SNX8: variants seen among roughly 807,000 people sequenced by gnomAD.
SNX8 encodes the protein sorting nexin 8, also known as sorting nexin-8.
In SNX8, 25 loss-of-function variants were observed where a neutral mutation model predicts 51.6. The observed-to-expected ratio is 0.48, with a 90% confidence interval of 0.35 to 0.68. The LOEUF is 0.68. Ranked by LOEUF, SNX8 falls within the 30% of genes least tolerant of loss-of-function variation. The pLI, the probability that SNX8 is intolerant of heterozygous loss-of-function variation, is 0.00. For synonymous variants in SNX8, 324 were observed against 277.0 expected (o/e 1.17, Z -1.68); for missense variants, 695 against 624.0 (o/e 1.11, Z -1.21).
intron 1 of SNX8, among the ~76,000 whole-genome samples, chr7:2,309,398 C>T (rs745811520): frequency 1.4e-4 from 22 of 152,010 alleles, no homozygotes; most frequent in Admixed American, 9.8e-4. Flanking sequence ...TGGTGGCACA[C>T]GCCTGTAATC....
At position 2,263,369 on chromosome 7, in the gene SNX8, G is replaced by C; in HGVS notation, c.783-7C>G. On this transcript the variant is annotated splice_region_variant and splice_polypyrimidine_tract_variant and intron_variant, in intron 6 of 10. Transcript: ENST00000222990. ...CGTGTCAGACCCTATTGCACTGAGG[G>C]AGCAAGCACACAGGAGAGGAGACAC... The C allele has an allele frequency of 6.3e-7, 1 of 1,588,370 alleles. No individual in the cohort carries two copies. Among genetic ancestry groups the C allele is most frequent in the Non-Finnish European group, 8.6e-7 (1 of 1,167,192 alleles).
intron 7 of SNX8, among the ~76,000 whole-genome samples, chr7:2,258,477 C>T (rs2115092350): frequency 6.6e-6 from 1 of 152,232 alleles, no homozygotes; most frequent in South Asian, 2.1e-4. Context: ...GACCCCCCGA[C>T]CCCTAAGGCT....
intron 5 of SNX8, 24 bp downstream of exon 5, chr7:2,269,535 A>AG (rs748108645): frequency 7.1e-7 from 1 of 1,411,192 alleles, no homozygotes; most frequent in South Asian, 1.4e-5. Context: ...AAAAAAAAAA[A>AG]AAAGAAAAAA....
intron 5 of SNX8, among the ~76,000 whole-genome samples, chr7:2,267,581 C>T (rs1240349134): frequency 1.1e-4 from 16 of 140,824 alleles, no homozygotes; most frequent in Admixed American, 5.1e-4. Flanking sequence ...CCCGAGGTGC[C>T]GGGATTGCAG....
intron 1 of SNX8, among the ~76,000 whole-genome samples, chr7:2,352,668 T>C (rs1288192930): frequency 6.6e-6 from 1 of 151,408 alleles, no homozygotes; most frequent in Non-Finnish European, 1.5e-5. Flanking sequence ...TCGTCTCTAC[T>C]AAAAAAATAC....
At chr7:2,289,038 G>A (rs1477241993) in intron 1 of SNX8, among the ~76,000 whole-genome samples, 1 of 152,170 alleles carries the variant, frequency 6.6e-6, no homozygotes. Context: ...CACCTGGCTT[G>A]TTTTTATATT....
intron 1 of SNX8, among the ~76,000 whole-genome samples, chr7:2,289,783 C>T (rs1312587142): frequency 6.6e-6 from 1 of 152,202 alleles, no homozygotes; most frequent in Non-Finnish European, 1.5e-5. Flanking sequence ...TCGGGCCAGG[C>T]ACCGTGGCAC....
At chr7:2,322,466 G>A (rs1290367649) in intron 1 of SNX8, among the ~76,000 whole-genome samples, 11 of 151,170 alleles carry the variant, frequency 7.3e-5, no homozygotes, top group African/African-American at 2.2e-4. Context: ...AGGCCAAGGC[G>A]GGTGGATCAC....
intron 1 of SNX8, among the ~76,000 whole-genome samples, chr7:2,335,747 G>A (rs147409014): frequency 2.1e-5 from 3 of 145,682 alleles, no homozygotes; most frequent in African/African-American, 7.7e-5. Flanking sequence ...AGCTTGCGGT[G>A]AGCCGAGACC....
intron 1 of SNX8, among the ~76,000 whole-genome samples, chr7:2,333,734 T>C (rs1282801690): frequency 6.6e-6 from 1 of 152,182 alleles, no homozygotes; most frequent in Non-Finnish European, 1.5e-5. Context: ...AAGGATTAAT[T>C]CAATTAACCT....
chr7:2,285,155 T>A lies in SNX8; in HGVS notation c.95-6850A>T, dbSNP rs1330334436. Among the ~76,000 whole-genome samples, 3 of 143,422 alleles carry A rather than the reference T, an allele frequency of 2.1e-5. No individual in the cohort carries two copies. In the East Asian group the frequency reaches 6.2e-4, roughly 30 times the overall value. The allele number at this position is 143,422 out of a possible 152,430, so 94.1% of individuals were successfully genotyped here. On this transcript the variant is annotated intron_variant, in intron 1 of 10. Coordinates refer to ENST00000222990, the MANE Select transcript of SNX8 (RefSeq NM_013321.4). ...TGAACCCGGGAGGCAGAAGTTGCAG[T>A]GAGCCGAGATGGCGCCACTGCACTC...
intron 1 of SNX8, among the ~76,000 whole-genome samples, chr7:2,338,857 G>A (rs1778874593): frequency 6.6e-6 from 1 of 152,088 alleles, no homozygotes; most frequent in South Asian, 2.1e-4. Context: ...GAGTCTGGGA[G>A]TTTAAGATCA....
rs1584659381 is a variant in SNX8 at position 2,255,279 on chromosome 7, G to A, written c.1285-110C>T. 2.5e-5 allele frequency: 17 copies of A among 681,974 alleles called. No homozygotes were observed. The South Asian group carries it at 2.8e-4, about 11-fold the overall frequency. 42.2% of individuals were successfully genotyped at this position (681,974 alleles called of 1,614,324 possible). On this transcript the variant is annotated intron_variant, in intron 10 of 10. Coordinates refer to ENST00000222990, the MANE Select transcript of SNX8 (RefSeq NM_013321.4). Reference sequence around the variant, plus strand: ...GTGACAGGGAGGGAGGGGCCCTCAGGTGCGCCAGCTCCTCAAACCTCTGGC... The same window carrying A: ...GTGACAGGGAGGGAGGGGCCCTCAGATGCGCCAGCTCCTCAAACCTCTGGC...
chr7:2,314,542 C>A (rs926258628), upstream of SNX8: 1 of 1,011,424 alleles, frequency 9.9e-7, no homozygotes, highest in African/African-American at 1.7e-5. Context: ...GCGCCACGCC[C>A]ACAGTCCGCC....
rs112113285 is a variant in SNX8, at chr7:2,334,374, G to C, written c.-66+19848C>G. On this transcript the variant is annotated intron_variant, in intron 1 of 5. Coordinates refer to the SNX8 transcript ENST00000435336. The stretch of plus-strand genomic sequence containing the variant: ...GCTGAGATCGCACCACTGGACTCCA[G>C]CCAGGGTGACGGAGCGAGACTCCAT... Among the ~76,000 whole-genome samples, 1,347 of 151,934 alleles carry C rather than the reference G, an allele frequency of 8.9e-3. 14 individuals carry two copies. The highest frequency in any genetic ancestry group is 0.031 in the African/African-American group (1,291 of 41,438).
chr7:2,268,603 G>C (rs1433586812), intron 5 of SNX8, among the ~76,000 whole-genome samples: 5 of 133,810 alleles, frequency 3.7e-5, no homozygotes, highest in Admixed American at 7.2e-5. Flanking sequence ...GAGGTGGGGG[G>C]GTCAGCCCTC....
chr7:2,304,036 G>A (rs1302244014), intron 1 of SNX8, among the ~76,000 whole-genome samples: 22 of 151,114 alleles, frequency 1.5e-4, no homozygotes, highest in Admixed American at 1.3e-3. Context: ...GCGTGGTGGC[G>A]GGCGCCTGTA....
At chr7:2,315,880 A>C (rs1796746532), upstream of SNX8, among the ~76,000 whole-genome samples, 1 of 147,578 alleles carries the variant, frequency 6.8e-6, no homozygotes, top group Admixed American at 6.7e-5. Context: ...TCATTCACTC[A>C]CTCACTAACT....
intron 1 of SNX8, among the ~76,000 whole-genome samples, chr7:2,291,181 T>C (rs1353936704): frequency 1.3e-5 from 2 of 152,006 alleles, no homozygotes; most frequent in Non-Finnish European, 1.5e-5. Context: ...GAATCTGTAG[T>C]TCCAGCTGCT....
Sources: gnomAD v4.1 joint callset for allele counts (sites outside exome capture counted in the v4.1 genomes callset) on GRCh38, gnomAD v4.1.1 for gene constraint, MANE v1.5 for transcripts, NCBI Gene and HGNC (gene_info 2026-07-23, HGNC 2026-07-21) for gene names.